The following TRIO variants were observed in gnomAD, a reference collection of about 807,000 sequenced individuals.
The protein encoded by TRIO is triple functional domain protein.
A neutral mutation model predicts 351.9 loss-of-function variants in TRIO; 58 were observed. The ratio of observed to expected loss-of-function variants is 0.16; its 90% CI spans 0.13 to 0.21. TRIO has a LOEUF of 0.21. TRIO is among the 10% of genes least tolerant of loss of function. The pLI, the probability that TRIO is intolerant of heterozygous loss-of-function variation, is 1.00. For missense variants in TRIO, 3,201 were observed against 4,027.8 expected (o/e 0.79, Z 5.56); for synonymous variants, 1,758 against 1,595.7 (o/e 1.10, Z -2.42).
At chr5:14,456,782 A>G (rs904025267) in intron 34 of TRIO, among the ~76,000 whole-genome samples, 3 of 152,254 alleles carry the variant, frequency 2.0e-5, no homozygotes, top group Admixed American at 1.3e-4. Context: ...CCATTAGGAC[A>G]TGGGATTTAA....
At position 14,367,073 on chromosome 5, in the gene TRIO, A is replaced by C; in HGVS notation, c.2874+94A>C. ...ACATGGCACTGACCATGGGAACCAC[A>C]TGGGGCTGGCTTGGTAAAGACGACT... On this transcript the variant is annotated intron_variant, in intron 16 of 56. Coordinates refer to ENST00000344204, the MANE Select transcript of TRIO (RefSeq NM_007118.4). 3 of 1,545,902 alleles carry C rather than the reference A, an allele frequency of 1.9e-6. No individual in the cohort carries two copies. In the South Asian group the frequency reaches 3.6e-5, roughly 19 times the overall value.
At position 14,261,251 on chromosome 5, in the gene TRIO, G is replaced by T. The variant is rs114974711; in HGVS notation, c.158-9574G>T. 5.5e-3 allele frequency among the ~76,000 whole-genome samples: 838 copies of T among 152,310 alleles called. 4 individuals carry two copies. Among genetic ancestry groups the T allele is most frequent in the Middle Eastern group, 0.014 (4 of 294 alleles). ...TTTGGCTTGGCCTACCTGTTGTATA[G>T]TGTTTGTTGTGTACCCTTCGTACTC... On this transcript the variant is annotated intron_variant, in intron 1 of 56. Coordinates refer to ENST00000344204, the MANE Select transcript of TRIO (RefSeq NM_007118.4).
intron 1 of TRIO, among the ~76,000 whole-genome samples, chr5:14,205,107 A>G (rs903533194): frequency 6.6e-6 from 1 of 152,224 alleles, no homozygotes; most frequent in Admixed American, 6.5e-5. Context: ...TCAGGAGGGC[A>G]CAGGATTTTA....
Position 14,485,215 on chromosome 5 carries a change from A to G in TRIO, c.6804A>G (p.Gln2268=). The part of the protein sequence containing the change: ...VRQTWIHEIN[Q]ILENQRNFLN... Reference sequence around the variant, plus strand: ...AAACTTGGATCCATGAAATCAACCAAATTTTAGAAAACCAGCGCAATTTTT... The same window carrying G: ...AAACTTGGATCCATGAAATCAACCAGATTTTAGAAAACCAGCGCAATTTTT... The change falls in exon 47 of 57, where the codon CAA becomes CAG. Residue 2268 remains glutamine (Q), a synonymous_variant. Coordinates refer to ENST00000344204, the MANE Select transcript of TRIO (RefSeq NM_007118.4). 6.3e-7 allele frequency: 1 copy of G among 1,579,602 alleles called. No homozygotes were observed. Among genetic ancestry groups the G allele is most frequent in the Non-Finnish European group, 8.6e-7 (1 of 1,156,220 alleles).
chr5:14,220,739 T>C (rs1792566348), intron 1 of TRIO, among the ~76,000 whole-genome samples: 1 of 152,206 alleles, frequency 6.6e-6, no homozygotes, highest in Admixed American at 6.5e-5. Context: ...CCTCAGCAAA[T>C]TCTGATAGAG....
chr5:14,451,654 A>G (rs936363271), intron 34 of TRIO, among the ~76,000 whole-genome samples: 1 of 152,268 alleles, frequency 6.6e-6, no homozygotes, highest in African/African-American at 2.4e-5. Flanking sequence ...CCCTCTTTTC[A>G]AATAGTCTGA....
chr5:14,403,291 T>G (rs1370253131), intron 31 of TRIO, among the ~76,000 whole-genome samples: 40 of 58,596 alleles, frequency 6.8e-4, no homozygotes, highest in East Asian at 1.8e-3. Flanking sequence ...GGGTGTAGGT[T>G]GTGGTGGTGA....
chr5:14,406,208 C>T, intron 32 of TRIO: 1 of 705,602 alleles, frequency 1.4e-6, no homozygotes, highest in Non-Finnish European at 2.3e-6. Context: ...GTGTGCAAAC[C>T]TCTCATTGTT....
At chr5:14,261,200 G>A (rs767527687) in intron 1 of TRIO, among the ~76,000 whole-genome samples, 3 of 152,128 alleles carry the variant, frequency 2.0e-5, no homozygotes, top group Non-Finnish European at 4.4e-5. Flanking sequence ...TTTTTCTTCT[G>A]GAAATGTATA....
intron 1 of TRIO, among the ~76,000 whole-genome samples, chr5:14,223,862 C>T (rs1447669042): frequency 2.0e-5 from 3 of 152,250 alleles, no homozygotes; most frequent in African/African-American, 7.2e-5. Context: ...TACATATTGT[C>T]TTACTGTTAC....
chr5:14,234,025 G>A (rs925872924), intron 1 of TRIO, among the ~76,000 whole-genome samples: 1 of 152,132 alleles, frequency 6.6e-6, no homozygotes, highest in African/African-American at 2.4e-5. Context: ...CAAACTCCTG[G>A]CCTCAAGTGA....
chr5:14,325,362 G>A (rs1740273995), intron 9 of TRIO, among the ~76,000 whole-genome samples: 1 of 152,206 alleles, frequency 6.6e-6, no homozygotes, highest in Admixed American at 6.5e-5. Context: ...GTGCTTCTGG[G>A]GAGGCCTCAG....
intron 37 of TRIO, among the ~76,000 whole-genome samples, chr5:14,468,145 A>G (rs1754407649): frequency 7.0e-6 from 1 of 142,060 alleles, no homozygotes; most frequent in South Asian, 2.3e-4. Context: ...TGGACTTCCA[A>G]ATGGAGAGGT....
intron 11 of TRIO, among the ~76,000 whole-genome samples, chr5:14,340,122 T>C (rs948980916): frequency 2.6e-5 from 4 of 152,080 alleles, no homozygotes; most frequent in African/African-American, 7.2e-5. Context: ...TGGCTGGGCG[T>C]GGTGATTCAC....
chr5:14,447,458 A>G (rs990591986), intron 34 of TRIO, among the ~76,000 whole-genome samples: 15 of 152,220 alleles, frequency 9.9e-5, no homozygotes, highest in Admixed American at 9.8e-4. Context: ...ATAATAATAA[A>G]TGTATACATG....
intron 1 of TRIO, among the ~76,000 whole-genome samples, chr5:14,167,962 G>A (rs2152123535): frequency 6.6e-6 from 1 of 152,288 alleles, no homozygotes; most frequent in South Asian, 2.1e-4. Context: ...TGATAATTGT[G>A]TGATACTGAG....
At chr5:14,352,258 G>A (rs1299637517) in intron 11 of TRIO, among the ~76,000 whole-genome samples, 2 of 152,188 alleles carry the variant, frequency 1.3e-5, no homozygotes, top group African/African-American at 2.4e-5. Flanking sequence ...GCCAGCAATA[G>A]CTCTGATGGC....
chr5:14,188,291 A>G (rs1561181133), intron 1 of TRIO, among the ~76,000 whole-genome samples: 1 of 152,178 alleles, frequency 6.6e-6, no homozygotes, highest in African/African-American at 2.4e-5. Flanking sequence ...TATTGTTCTC[A>G]TTGCCTGTAT....
chr5:14,431,922 T>G (rs1025857052), intron 34 of TRIO, among the ~76,000 whole-genome samples: 1 of 152,214 alleles, frequency 6.6e-6, no homozygotes, highest in Non-Finnish European at 1.5e-5. Context: ...CCAGTCAGGT[T>G]GGATCAGCAC....
Sources: gnomAD v4.1 joint callset for allele counts (sites outside exome capture counted in the v4.1 genomes callset) on GRCh38, gnomAD v4.1.1 for gene constraint, MANE v1.5 for transcripts, NCBI Gene and HGNC (gene_info 2026-07-23, HGNC 2026-07-21) for gene names.